The following SEH1L variants were observed in gnomAD, a reference collection of about 807,000 sequenced individuals.
SEH1L encodes the protein SEH1 like nucleoporin, also known as nucleoporin SEH1.
In SEH1L, 18 loss-of-function variants were observed where a neutral mutation model predicts 49.5. The observed-to-expected ratio is 0.36, with a 90% CI of 0.25 to 0.54. The LOEUF (loss-of-function observed/expected upper bound fraction) is 0.54, where lower values mean the gene tolerates loss of function less well. SEH1L is among the 20% of genes least tolerant of loss of function. The pLI is 0.87. For synonymous variants in SEH1L, 169 were observed against 178.1 expected, an observed-to-expected ratio of 0.95 and a Z score of 0.41; for missense variants, 404 against 528.8, an observed-to-expected ratio of 0.76 and a Z score of 2.31.
chr18:12,975,665 C>T lies in SEH1L; in HGVS notation c.621-3087C>T, dbSNP rs1354750911. ...GAGAGTGGTGCTTGCCAAGTCTGAT[C>T]TCTATCCTGGCAGCATTTGGACTTT... On this transcript the variant is annotated intron_variant, in intron 5 of 8. Coordinates refer to ENST00000399892, the MANE Select transcript of SEH1L (RefSeq NM_001013437.2). 4 of 980,350 alleles carry T rather than the reference C, an allele frequency of 4.1e-6. No homozygotes were observed. In the South Asian group the frequency reaches 1.4e-4, roughly 35 times the overall value. The allele number at this position is 980,350 out of a possible 1,614,324, so 60.7% of individuals were successfully genotyped here. A position where few individuals can be genotyped will look rare whatever the true frequency, so the allele number is the denominator to read the frequency against.
At position 12,955,504 on chromosome 18, in the gene SEH1L, T is replaced by C; in HGVS notation, c.204T>C (p.Pro68=). Residue 68 remains proline, a synonymous_variant, in exon 3 of 9, where the codon CCT becomes CCC. Coordinates refer to ENST00000399892, the MANE Select transcript of SEH1L (RefSeq NM_001013437.2). The part of the protein sequence containing the change: ...GSVWRVTWAH[P]EFGQVLASCS... ...TATGGCGTGTGACATGGGCCCATCC[T>C]GAATTTGGGCAGGTTTTGGCTTCCT... 6.2e-7 allele frequency: 1 copy of C among 1,614,052 alleles called. No individual in the cohort carries two copies. The highest frequency in any genetic ancestry group is 8.5e-7 in the Non-Finnish European group (1 of 1,179,978).
At chr18:12,959,281 C>G (rs1360740373) in intron 3 of SEH1L, among the ~76,000 whole-genome samples, 1 of 152,078 alleles carries the variant, frequency 6.6e-6, no homozygotes. Context: ...ATCCATAATG[C>G]TAGGATCCAG....
chr18:12,978,856 C>T lies in SEH1L; in HGVS notation c.725C>T (p.Thr242Ile), dbSNP rs777624374. The change falls in exon 6 of 9, where the codon ACC becomes ATC. Residue 242 changes from threonine (T) to isoleucine (I), a missense_variant. Coordinates refer to ENST00000399892, the MANE Select transcript of SEH1L (RefSeq NM_001013437.2). ...TCTTTCCATATTCTAGCAATAGCGACCAAAGATGTGAGAATTTTTACATTA... is the reference window on the plus strand; with the variant it reads ...TCTTTCCATATTCTAGCAATAGCGATCAAAGATGTGAGAATTTTTACATTA... ...GRSFHILAIA[T>I]KDVRIFTLKP... is the part of the protein sequence containing the mutation. 6.2e-7 allele frequency: 1 copy of T among 1,613,974 alleles called. No homozygotes were observed. The highest frequency in any genetic ancestry group is 8.5e-7 in the Non-Finnish European group (1 of 1,179,980).
intron 6 of SEH1L, 74 bp downstream of exon 6, chr18:12,978,966 T>TAAG: frequency 7.4e-7 from 1 of 1,344,502 alleles, no homozygotes; most frequent in Non-Finnish European, 1.0e-6. Flanking sequence ...GAGGAGAGAG[T>TAAG]AGAGGTAACT....
chr18:12,973,870 A>G (rs922140816), intron 5 of SEH1L: 1 of 152,186 alleles, frequency 6.6e-6, no homozygotes, highest in African/African-American at 2.4e-5. Context: ...GCTCCCTCTT[A>G]TGATCACAAA....
chr18:12,967,887 C>T (rs1015174292), intron 4 of SEH1L, among the ~76,000 whole-genome samples: 3 of 150,972 alleles, frequency 2.0e-5, no homozygotes, highest in African/African-American at 7.3e-5. Context: ...GCACTCCAGC[C>T]TGGGCAACAG....
chr18:12,982,456 T>C (rs1568231549), intron 6 of SEH1L, 62 bp from the exon 7 acceptor site: 3 of 1,147,640 alleles, frequency 2.6e-6, no homozygotes, highest in Non-Finnish European at 2.5e-6. Flanking sequence ...TATATGTGTG[T>C]GTATATATAT....
chr18:12,960,970 T>G (rs989442177), intron 3 of SEH1L, among the ~76,000 whole-genome samples: 1 of 152,198 alleles, frequency 6.6e-6, no homozygotes, highest in Non-Finnish European at 1.5e-5. Flanking sequence ...AAAATACATT[T>G]GGAAGAGGGC....
chr18:12,970,761 G>A (rs2031665952), intron 4 of SEH1L, among the ~76,000 whole-genome samples: 1 of 152,138 alleles, frequency 6.6e-6, no homozygotes, highest in South Asian at 2.1e-4. Flanking sequence ...AGATCTTTTT[G>A]TCATGAAGTT....
intron 5 of SEH1L, chr18:12,974,285 C>CT (rs962218650): frequency 7.3e-5 from 11 of 150,638 alleles, no homozygotes; most frequent in Admixed American, 3.3e-4. Flanking sequence ...CTTTTTCTCT[C>CT]TTTTTTTTTC....
chr18:12,966,094 G>GTT lies in SEH1L; in HGVS notation c.521+2737_521+2738dup, dbSNP rs35889009. ...TTTGTTTTTTATTTTTATTTTTATG[G>GTT]TTTTTTTTTTTTTTTGGAGACAGAG... On this transcript the variant is annotated intron_variant, in intron 4 of 8. Transcript: ENST00000399892. Among the ~76,000 whole-genome samples the GTT allele has an allele frequency of 1.1e-4, 15 of 136,570 alleles. No homozygotes were observed. The South Asian group carries it at 1.2e-3, about 11-fold the overall frequency. 89.6% of individuals were successfully genotyped at this position (136,570 alleles called of 152,430 possible).
chr18:12,979,006 GT>G, intron 6 of SEH1L, 114 bp downstream of exon 6: 1 of 976,374 alleles, frequency 1.0e-6, no homozygotes, highest in Non-Finnish European at 1.5e-6. Flanking sequence ...TGCTCTGGAA[GT>G]TTTACTTAAA....
intron 4 of SEH1L, among the ~76,000 whole-genome samples, chr18:12,969,603 G>A (rs982433887): frequency 5.9e-5 from 9 of 151,720 alleles, no homozygotes; most frequent in Admixed American, 2.0e-4. Context: ...CACGAGAATC[G>A]CTTGAATCCA....
At chr18:12,963,118 T>G (rs1399085144) in intron 3 of SEH1L, 42 bp from the exon 4 acceptor site, 2 of 1,450,074 alleles carry the variant, frequency 1.4e-6, no homozygotes, top group Non-Finnish European at 1.9e-6. Flanking sequence ...TACCATGCTT[T>G]CTTTTTGTAT....
intron 1 of SEH1L, among the ~76,000 whole-genome samples, chr18:12,951,591 A>G (rs563438504): frequency 1.5e-4 from 23 of 152,334 alleles, no homozygotes; most frequent in Admixed American, 1.0e-3. Flanking sequence ...GGGTTTCACC[A>G]CGTTGTCTAG....
intron 3 of SEH1L, among the ~76,000 whole-genome samples, chr18:12,962,431 T>C (rs2031222541): frequency 1.3e-5 from 2 of 149,926 alleles, no homozygotes; most frequent in South Asian, 4.2e-4. Context: ...CAGAAAATTA[T>C]TCTTGAGAGA....
chr18:12,953,280 AGTT>A (rs1388918610), intron 2 of SEH1L, among the ~76,000 whole-genome samples: 2 of 151,994 alleles, frequency 1.3e-5, no homozygotes, highest in Non-Finnish European at 2.9e-5. Context: ...CGGACATTTG[AGTT>A]GTTGTTTTTG....
intron 6 of SEH1L, among the ~76,000 whole-genome samples, chr18:12,979,877 A>G (rs1323163653): frequency 2.3e-5 from 3 of 130,818 alleles, no homozygotes; most frequent in Non-Finnish European, 4.8e-5. Context: ...CGGGGGGCTG[A>G]CCCCCCCACC....
chr18:12,985,714 TAAAG>T (rs1413165159), intron 8 of SEH1L: 24 of 952,014 alleles, frequency 2.5e-5, no homozygotes, highest in Non-Finnish European at 2.1e-5. Context: ...ATATTTTTTA[TAAAG>T]ATTGTTTTGA....
Sources: gnomAD v4.1 joint callset for allele counts (sites outside exome capture counted in the v4.1 genomes callset) on GRCh38, gnomAD v4.1.1 for gene constraint, MANE v1.5 for transcripts, NCBI Gene and HGNC (gene_info 2026-07-23, HGNC 2026-07-21) for gene names.